ARHGAP15: variants seen among roughly 807,000 people sequenced by gnomAD.
ARHGAP15 encodes the protein rho GTPase-activating protein 15.
A neutral mutation model predicts 63.7 loss-of-function variants in ARHGAP15; 51 were observed. The ratio of observed to expected loss-of-function variants is 0.80; its 90% CI spans 0.64 to 1.01. The LOEUF is 1.01. ARHGAP15 is among the 50% of genes least tolerant of loss of function. ARHGAP15 has a pLI of 0.00. For synonymous variants in ARHGAP15, 191 were observed against 193.8 expected, an observed-to-expected ratio of 0.99 and a Z score of 0.12; for missense variants, 560 against 564.6, an observed-to-expected ratio of 0.99 and a Z score of 0.08.
chr2:143,606,581 T>C (rs1698041556), intron 11 of ARHGAP15, among the ~76,000 whole-genome samples: 1 of 152,198 alleles, frequency 6.6e-6, no homozygotes, highest in Admixed American at 6.5e-5. Flanking sequence ...GAGCAATGTA[T>C]AACAATCCTT....
chr2:143,576,633 T>A (rs2105133915), intron 11 of ARHGAP15, among the ~76,000 whole-genome samples: 1 of 152,182 alleles, frequency 6.6e-6, no homozygotes, highest in African/African-American at 2.4e-5. Context: ...TAACCTAGCA[T>A]ACCTTTAATG....
chr2:143,476,902 A>C (rs1041474752), intron 8 of ARHGAP15, among the ~76,000 whole-genome samples: 3 of 152,206 alleles, frequency 2.0e-5, no homozygotes, highest in African/African-American at 7.2e-5. Context: ...GGAAGGCTGC[A>C]ATAATGTATT....
intron 8 of ARHGAP15, among the ~76,000 whole-genome samples, chr2:143,477,150 T>A (rs946094805): frequency 3.3e-5 from 5 of 152,022 alleles, no homozygotes; most frequent in East Asian, 1.9e-4. Flanking sequence ...AGCATTTTTT[T>A]AATGAGAGCC....
chr2:143,205,878 C>T (rs1042649703), intron 3 of ARHGAP15, among the ~76,000 whole-genome samples: 3 of 152,008 alleles, frequency 2.0e-5, no homozygotes, highest in African/African-American at 7.2e-5. Context: ...ACCCCCAAAC[C>T]CTCACCCAAG....
intron 6 of ARHGAP15, among the ~76,000 whole-genome samples, chr2:143,390,008 TAAAA>T (rs140037498): frequency 7.4e-6 from 1 of 135,358 alleles, no homozygotes. Context: ...AGTCCTTTAT[TAAAA>T]AAAAAAAAAA....
At chr2:143,371,989 A>G (rs1439722281) in intron 6 of ARHGAP15, among the ~76,000 whole-genome samples, 1 of 150,090 alleles carries the variant, frequency 6.7e-6, no homozygotes, top group Non-Finnish European at 1.5e-5. Context: ...ACCAAATACT[A>G]CCTGTTCCCC....
intron 6 of ARHGAP15, among the ~76,000 whole-genome samples, chr2:143,324,142 G>A (rs965036524): frequency 6.6e-6 from 1 of 151,978 alleles, no homozygotes; most frequent in Non-Finnish European, 1.5e-5. Context: ...GTTTAAAATT[G>A]CATTATAAAT....
chr2:143,471,208 GTATA>G (rs1307098337), intron 8 of ARHGAP15, among the ~76,000 whole-genome samples: 2 of 145,980 alleles, frequency 1.4e-5, no homozygotes, highest in African/African-American at 5.2e-5. Flanking sequence ...ATATATGTGT[GTATA>G]TATACACACA....
At chr2:143,451,244 C>T (rs746653625) in intron 8 of ARHGAP15, among the ~76,000 whole-genome samples, 2 of 151,912 alleles carry the variant, frequency 1.3e-5, no homozygotes, top group African/African-American at 4.8e-5. Flanking sequence ...TGGACTTGCT[C>T]AAAAGAGCAT....
chr2:143,421,495 G>A (rs1222974739), intron 6 of ARHGAP15, among the ~76,000 whole-genome samples: 1 of 151,778 alleles, frequency 6.6e-6, no homozygotes, highest in East Asian at 1.9e-4. Context: ...GAGAAAGAGA[G>A]CACATCAAGG....
At chr2:143,511,448 G>A (rs1357375875) in intron 9 of ARHGAP15, among the ~76,000 whole-genome samples, 2 of 152,154 alleles carry the variant, frequency 1.3e-5, no homozygotes, top group East Asian at 3.9e-4. Context: ...AGCAAGAGGT[G>A]CTTTCTAAAT....
chr2:143,308,753 A>G (rs758992930), intron 6 of ARHGAP15, among the ~76,000 whole-genome samples: 12 of 152,048 alleles, frequency 7.9e-5, no homozygotes, highest in Non-Finnish European at 1.5e-4. Flanking sequence ...TTATTACATG[A>G]CACAAGTAAG....
intron 12 of ARHGAP15, among the ~76,000 whole-genome samples, chr2:143,701,956 C>G (rs927227795): frequency 6.6e-6 from 1 of 152,142 alleles, no homozygotes; most frequent in South Asian, 2.1e-4. Context: ...AAGGCCTGAC[C>G]AACCCTGTCA....
chr2:143,155,393 A>G (rs552953762), intron 1 of ARHGAP15, 84 bp from the exon 2 acceptor site: 2 of 1,238,500 alleles, frequency 1.6e-6, no homozygotes, highest in East Asian at 2.7e-5. Context: ...TTAATATCCT[A>G]ATGATTACTA....
chr2:143,283,085 G>T (rs1681929733), intron 6 of ARHGAP15, among the ~76,000 whole-genome samples: 1 of 152,134 alleles, frequency 6.6e-6, no homozygotes, highest in Non-Finnish European at 1.5e-5. Flanking sequence ...GACAATTTGT[G>T]ATTTTTCCCC....
At chr2:143,572,920 A>G (rs1233646963) in intron 11 of ARHGAP15, among the ~76,000 whole-genome samples, 2 of 152,222 alleles carry the variant, frequency 1.3e-5, no homozygotes, top group Non-Finnish European at 2.9e-5. Flanking sequence ...AAAAGATACT[A>G]GCTAGATAAA....
intron 12 of ARHGAP15, among the ~76,000 whole-genome samples, chr2:143,642,083 G>A (rs1680629435): frequency 6.6e-6 from 1 of 152,028 alleles, no homozygotes. Flanking sequence ...ATATAAGTAT[G>A]ATATGGCATG....
chr2:143,313,451 T>C (rs189259819), intron 6 of ARHGAP15, among the ~76,000 whole-genome samples: 1 of 152,310 alleles, frequency 6.6e-6, no homozygotes, highest in African/African-American at 2.4e-5. Context: ...TTCTTAGTTA[T>C]TCTGACATGG....
chr2:143,297,342 A>G (rs1472186137), intron 6 of ARHGAP15, among the ~76,000 whole-genome samples: 1 of 151,968 alleles, frequency 6.6e-6, no homozygotes, highest in Admixed American at 6.6e-5. Flanking sequence ...TGAGCAATGT[A>G]CTGAGTCTGC....
Sources: gnomAD v4.1 joint callset for allele counts (sites outside exome capture counted in the v4.1 genomes callset) on GRCh38, gnomAD v4.1.1 for gene constraint, MANE v1.5 for transcripts, NCBI Gene and HGNC (gene_info 2026-07-23, HGNC 2026-07-21) for gene names.